Variants in KAZN observed in about 807,000 individuals in gnomAD.
KAZN encodes kazrin.
In KAZN, 40 loss-of-function variants were observed where a neutral mutation model predicts 87.4. The observed-to-expected ratio is 0.46, with a 90% CI of 0.36 to 0.60. KAZN has a LOEUF of 0.60. Among genes scored for constraint, KAZN ranks in the 20% least tolerant of loss-of-function variants. The pLI is 0.00. For synonymous variants in KAZN, 466 were observed against 458.3 expected, an observed-to-expected ratio of 1.02 and a Z score of -0.22; for missense variants, 898 against 1,073.9, an observed-to-expected ratio of 0.84 and a Z score of 2.29.
chr1:15,091,143 C>T (rs1379935055), intron 8 of KAZN, among the ~76,000 whole-genome samples: 4 of 152,152 alleles, frequency 2.6e-5, no homozygotes, highest in Non-Finnish European at 5.9e-5. Context: ...CACACACACT[C>T]GCACAATTAC....
At chr1:14,384,168 A>G (rs1450566238) in intron 2 of KAZN, among the ~76,000 whole-genome samples, 1 of 150,266 alleles carries the variant, frequency 6.7e-6, no homozygotes. Context: ...TTGATTTTGT[A>G]TCCTGAGACT....
At chr1:14,137,701 C>CTTTTTTT (rs35819477) in intron 1 of KAZN, among the ~76,000 whole-genome samples, 4 of 65,064 alleles carry the variant, frequency 6.1e-5, no homozygotes, top group Admixed American at 2.4e-4. Context: ...AAATATAAGG[C>CTTTTTTT]TTTTTTTTTT....
At chr1:15,089,512 CAG>C (rs1287558674) in intron 8 of KAZN, among the ~76,000 whole-genome samples, 2 of 152,160 alleles carry the variant, frequency 1.3e-5, no homozygotes, top group South Asian at 2.1e-4. Context: ...TGTGGCCAAA[CAG>C]TGCCCAAGCC....
chr1:14,561,809 C>T (rs1674271489), intron 2 of KAZN, among the ~76,000 whole-genome samples: 1 of 151,852 alleles, frequency 6.6e-6, no homozygotes, highest in East Asian at 1.9e-4. Context: ...GAGGCTGAGG[C>T]AGGAGAATCG....
rs775666706 is a variant in KAZN, at chr1:14,296,629, C to CTTTTT, written c.249+116057_249+116061dup. On this transcript the variant is annotated intron_variant, in intron 2 of 16. Transcript: ENST00000636203. ...AATGTAGGGCTGAGTTTTTGTATTT[C>CTTTTT]TTTTTTTTTTTTTTTTTTTTTTTTG... 2.0e-3 allele frequency among the ~76,000 whole-genome samples: 166 copies of CTTTTT among 82,730 alleles called. 2 individuals carry two copies. Among genetic ancestry groups the CTTTTT allele is most frequent in the African/African-American group, 6.0e-3 (123 of 20,504 alleles). The allele number at this position is 82,730 out of a possible 152,430, so 54.3% of individuals were successfully genotyped here.
upstream of KAZN, among the ~76,000 whole-genome samples, chr1:14,593,812 C>A (rs1366608165): frequency 1.2e-4 from 19 of 152,156 alleles, no homozygotes; most frequent in Admixed American, 9.8e-4. Context: ...AGGTCAGAAA[C>A]AATTAAGTGG....
At chr1:14,295,008 A>G (rs976533935) in intron 2 of KAZN, among the ~76,000 whole-genome samples, 12 of 151,682 alleles carry the variant, frequency 7.9e-5, no homozygotes, top group Admixed American at 7.9e-4. Context: ...GTGCTTATCT[A>G]CAGGCTCAAT....
chr1:14,024,961 G>A (rs910879248), intron 1 of KAZN, among the ~76,000 whole-genome samples: 2 of 152,200 alleles, frequency 1.3e-5, no homozygotes, highest in African/African-American at 4.8e-5. Flanking sequence ...GTATTAGAAA[G>A]TATCCCAATG....
intron 8 of KAZN, among the ~76,000 whole-genome samples, chr1:15,086,948 A>T (rs1428723768): frequency 6.6e-6 from 1 of 152,244 alleles, no homozygotes; most frequent in African/African-American, 2.4e-5. Flanking sequence ...TTTCTGTTCC[A>T]GGAGATCTGG....
At chr1:14,567,070 C>T (rs1340292960) in intron 2 of KAZN, among the ~76,000 whole-genome samples, 1 of 152,154 alleles carries the variant, frequency 6.6e-6, no homozygotes, top group Non-Finnish European at 1.5e-5. Context: ...TTTGGCCTGT[C>T]TTGGCTTTCA....
chr1:15,024,074 G>A (rs1355155226), intron 2 of KAZN, among the ~76,000 whole-genome samples: 1 of 152,094 alleles, frequency 6.6e-6, no homozygotes, highest in Non-Finnish European at 1.5e-5. Flanking sequence ...TTCAAGCAGA[G>A]GTGTGGATGC....
chr1:14,881,086 C>T (rs192711515), intron 1 of KAZN, among the ~76,000 whole-genome samples: 245 of 152,298 alleles, frequency 1.6e-3, no homozygotes, highest in East Asian at 7.9e-3. Context: ...TTGGAGCATG[C>T]GGTAACTGAG....
chr1:14,683,981 TACA>T (rs1640820248), intron 1 of KAZN, among the ~76,000 whole-genome samples: 1 of 152,218 alleles, frequency 6.6e-6, no homozygotes, highest in Non-Finnish European at 1.5e-5. Context: ...TCTTCTGAAA[TACA>T]ACAAGAGTTG....
intron 2 of KAZN, among the ~76,000 whole-genome samples, chr1:14,193,291 A>C (rs1646459603): frequency 6.6e-6 from 1 of 152,190 alleles, no homozygotes; most frequent in South Asian, 2.1e-4. Flanking sequence ...ACAGACTAAT[A>C]CACTGGTGTC....
chr1:14,315,719 C>G (rs1222842485), intron 2 of KAZN, among the ~76,000 whole-genome samples: 3 of 151,998 alleles, frequency 2.0e-5, no homozygotes, highest in Admixed American at 1.3e-4. Flanking sequence ...CTAGTGTTGC[C>G]TATATCAACA....
intron 1 of KAZN, among the ~76,000 whole-genome samples, chr1:13,981,087 C>CCATATATATA (rs1553181073): frequency 1.2e-4 from 1 of 8,304 alleles, no homozygotes; most frequent in Non-Finnish European, 2.7e-4. Context: ...AAAAATTACT[C>CCATATATATA]TTTATATATA....
At chr1:14,898,616 C>T (rs1186153129) in intron 1 of KAZN, among the ~76,000 whole-genome samples, 2 of 152,034 alleles carry the variant, frequency 1.3e-5, no homozygotes, top group African/African-American at 4.8e-5. Context: ...CATCTGGAGC[C>T]CTCGCTTGTA....
At chr1:14,349,956 G>A (rs190823479) in intron 2 of KAZN, among the ~76,000 whole-genome samples, 32 of 152,070 alleles carry the variant, frequency 2.1e-4, no homozygotes, top group Middle Eastern at 3.4e-3. Flanking sequence ...CCAACATGGC[G>A]AAAACCCGTC....
At chr1:14,570,909 A>G (rs1188100073) in intron 2 of KAZN, among the ~76,000 whole-genome samples, 2 of 152,136 alleles carry the variant, frequency 1.3e-5, no homozygotes, top group African/African-American at 2.4e-5. Context: ...CCTGGCCTTC[A>G]TATCTCTTAC....
Sources: gnomAD v4.1 joint callset for allele counts (sites outside exome capture counted in the v4.1 genomes callset) on GRCh38, gnomAD v4.1.1 for gene constraint, MANE v1.5 for transcripts, NCBI Gene and HGNC (gene_info 2026-07-23, HGNC 2026-07-21) for gene names.